The following KALRN variants were observed in gnomAD, a reference collection of about 807,000 sequenced individuals.
KALRN encodes the protein kalirin RhoGEF kinase.
KALRN carries 70 observed loss-of-function variants against 353.7 expected under a neutral mutation model. The ratio of observed to expected loss-of-function variants is 0.20; its 90% confidence interval spans 0.16 to 0.24. The LOEUF is 0.24. KALRN is among the 10% of genes least tolerant of loss of function. The pLI is 1.00. For synonymous variants in KALRN, 1,391 were observed against 1,434.8 expected, an observed-to-expected ratio of 0.97 and a Z score of 0.69; for missense variants, 2,791 against 3,756.7, an observed-to-expected ratio of 0.74 and a Z score of 6.72.
At chr3:124,583,993 C>T (rs551778031) in intron 34 of KALRN, among the ~76,000 whole-genome samples, 2 of 152,202 alleles carry the variant, frequency 1.3e-5, no homozygotes, top group Non-Finnish European at 2.9e-5. Context: ...GACCCGAGAC[C>T]CTGCCTCTAT....
At chr3:124,535,679 C>G (rs1260371936) in intron 33 of KALRN, among the ~76,000 whole-genome samples, 1 of 152,182 alleles carries the variant, frequency 6.6e-6, no homozygotes, top group Non-Finnish European at 1.5e-5. Flanking sequence ...CCAACCTTTC[C>G]TTGTCTACCT....
At chr3:124,702,682 C>T (rs920244651) in intron 57 of KALRN, among the ~76,000 whole-genome samples, 2 of 152,120 alleles carry the variant, frequency 1.3e-5, no homozygotes, top group Admixed American at 6.5e-5. Flanking sequence ...ACTGTGCAAT[C>T]ACTAATTGTT....
chr3:124,469,099 A>G (rs475905), intron 25 of KALRN, among the ~76,000 whole-genome samples: 46,840 of 152,184 alleles, frequency 0.31, 7,832 homozygotes, highest in Non-Finnish European at 0.38. Flanking sequence ...TTTGTATTTT[A>G]TTTTAACATT....
At chr3:124,492,929 G>T (rs770549649) in intron 32 of KALRN, 47 bp downstream of exon 32, 3 of 1,598,280 alleles carry the variant, frequency 1.9e-6, no homozygotes, top group Admixed American at 3.4e-5. Context: ...ACAGGCTTCC[G>T]GGTGCGGGAA....
In KALRN at chr3:124,722,051, G is replaced by A. The variant is rs936985512; in HGVS notation, c.*2581G>A. 6 of 152,292 alleles carry A rather than the reference G, an allele frequency of 3.9e-5. No individual in the cohort carries two copies. The highest frequency in any genetic ancestry group is 1.4e-4 in the African/African-American group (6 of 41,474). The allele number at this position is 152,292 out of a possible 1,614,324, so 9.4% of individuals were successfully genotyped here. ...ATATCCATAAAGTCCAGCTTGGCAA[G>A]TTCTGTTCTGTCCACTGTGGATGAC... On this transcript the variant is annotated 3_prime_UTR_variant, in exon 60 of 60. Transcript: ENST00000682506.
intron 57 of KALRN, among the ~76,000 whole-genome samples, chr3:124,708,958 A>G (rs928353152): frequency 2.0e-5 from 3 of 152,208 alleles, no homozygotes; most frequent in African/African-American, 7.2e-5. Context: ...TGGAGGCAAG[A>G]AGACAGCAGA....
At chr3:124,624,262 G>T (rs1020229455) in intron 34 of KALRN, among the ~76,000 whole-genome samples, 2 of 152,176 alleles carry the variant, frequency 1.3e-5, no homozygotes, top group African/African-American at 4.8e-5. Flanking sequence ...TTGCGTTCAA[G>T]TTACCCGTAT....
intron 10 of KALRN, among the ~76,000 whole-genome samples, chr3:124,352,127 T>C (rs2082894754): frequency 6.6e-6 from 1 of 152,140 alleles, no homozygotes; most frequent in African/African-American, 2.4e-5. Flanking sequence ...GCCTATAATC[T>C]CCCCAAATGG....
At chr3:124,688,811 A>G (rs1042096984) in intron 51 of KALRN, among the ~76,000 whole-genome samples, 15 of 152,208 alleles carry the variant, frequency 9.9e-5, no homozygotes, top group Non-Finnish European at 7.3e-5. Flanking sequence ...CTGACAAGGA[A>G]AATAGACGCC....
At chr3:124,402,721 G>A (rs985693004) in intron 13 of KALRN, among the ~76,000 whole-genome samples, 1 of 152,118 alleles carries the variant, frequency 6.6e-6, no homozygotes, top group African/African-American at 2.4e-5. Context: ...TTCGGTCACT[G>A]CCTAATAATT....
intron 6 of KALRN, among the ~76,000 whole-genome samples, chr3:124,311,191 G>A (rs1374731773): frequency 6.7e-6 from 1 of 149,702 alleles, no homozygotes; most frequent in Non-Finnish European, 1.5e-5. Flanking sequence ...CAGGCGCAGT[G>A]GCTCACGCCT....
rs966508505 is a variant in KALRN, at chr3:124,543,467, A to G, written c.4936-19376A>G. ...CAGGCACCCATCACCACGCCCAGCT[A>G]ATTTTTTATATTTTTAGTAGAGACG... On this transcript the variant is annotated intron_variant, in intron 33 of 59. Transcript: ENST00000682506. 7.2e-5 allele frequency among the ~76,000 whole-genome samples: 11 copies of G among 151,760 alleles called. 1 individual carries two copies. Among genetic ancestry groups the G allele is most frequent in the Middle Eastern group, 6.4e-3 (2 of 314 alleles).
Position 124,300,024 on chromosome 3 carries a change from G to T in KALRN, c.1092+1111G>T, listed in dbSNP as rs375598153. Among the ~76,000 whole-genome samples, 21 of 152,276 alleles carry T rather than the reference G, an allele frequency of 1.4e-4. No individual in the cohort carries two copies. In the East Asian group the frequency reaches 3.9e-3, roughly 28 times the overall value. Reference sequence around the variant, plus strand: ...CAAAGACAGCTTATCATTGTAGCTGGTGATGTTGGGAGTGGGGCAAGTGTT... The same window carrying T: ...CAAAGACAGCTTATCATTGTAGCTGTTGATGTTGGGAGTGGGGCAAGTGTT... On this transcript the variant is annotated intron_variant, in intron 6 of 59. Coordinates refer to ENST00000682506, the MANE Select transcript of KALRN (RefSeq NM_001388419.1).
chr3:124,565,700 C>G (rs960553681), intron 34 of KALRN, among the ~76,000 whole-genome samples: 1 of 152,160 alleles, frequency 6.6e-6, no homozygotes, highest in African/African-American at 2.4e-5. Flanking sequence ...ACTTCCTGAC[C>G]TAGACCTGGC....
At chr3:124,570,095 G>A (rs2073347440) in intron 34 of KALRN, among the ~76,000 whole-genome samples, 1 of 152,076 alleles carries the variant, frequency 6.6e-6, no homozygotes, top group African/African-American at 2.4e-5. Context: ...CCTACCAGGA[G>A]AGTCCTCCAA....
rs77329215 is a variant in KALRN, at chr3:124,133,053, C to T, written c.74-94937C>T. 5.5e-3 allele frequency: 845 copies of T among 153,632 alleles called. 3 individuals carry two copies. The highest frequency in any genetic ancestry group is 0.018 in the African/African-American group (766 of 41,622). The allele number at this position is 153,632 out of a possible 1,614,324, so 9.5% of individuals were successfully genotyped here. A position where few individuals can be genotyped will look rare whatever the true frequency, so the allele number is the denominator to read the frequency against. On this transcript the variant is annotated intron_variant, in intron 1 of 59. Coordinates refer to ENST00000682506, the MANE Select transcript of KALRN (RefSeq NM_001388419.1). ...CTCACAGCACGGCCTTGAGGCAGCT[C>T]ATGCCAGGGATGCTGCCTGTGTTCC... is the stretch of plus-strand genomic sequence containing the variant.
intron 9 of KALRN, among the ~76,000 whole-genome samples, chr3:124,338,085 A>C (rs2081316281): frequency 6.6e-6 from 1 of 152,182 alleles, no homozygotes; most frequent in South Asian, 2.1e-4. Context: ...TTCGAAAATC[A>C]GCTCCTGGAT....
At chr3:124,290,268 G>C (rs912793721) in intron 5 of KALRN, among the ~76,000 whole-genome samples, 1 of 152,098 alleles carries the variant, frequency 6.6e-6, no homozygotes, top group African/African-American at 2.4e-5. Flanking sequence ...ACCTGGTCTT[G>C]GGGGGCAGAC....
At chr3:124,446,410 G>A (rs541277899) in intron 20 of KALRN, 134 bp downstream of exon 20, 3 of 658,924 alleles carry the variant, frequency 4.6e-6, no homozygotes, top group Non-Finnish European at 7.9e-6. Flanking sequence ...AAAGAAAGCA[G>A]GTTGTCACCT....
Sources: gnomAD v4.1 joint callset for allele counts (sites outside exome capture counted in the v4.1 genomes callset) on GRCh38, gnomAD v4.1.1 for gene constraint, MANE v1.5 for transcripts, NCBI Gene and HGNC (gene_info 2026-07-23, HGNC 2026-07-21) for gene names.